Variants in GPSM1 observed in about 807,000 individuals in gnomAD.
GPSM1 encodes the protein G protein signaling modulator 1.
A neutral mutation model predicts 70.5 loss-of-function variants in GPSM1; 48 were observed. That is an observed-to-expected ratio of 0.68 (90% CI 0.54 to 0.87). The LOEUF is 0.87. GPSM1 is among the 40% of genes least tolerant of loss of function. The pLI is 0.00. For missense variants in GPSM1, 981 were observed against 972.6 expected, an observed-to-expected ratio of 1.01 and a Z score of -0.11; for synonymous variants, 416 against 430.1, an observed-to-expected ratio of 0.97 and a Z score of 0.41.
In GPSM1 at chr9:136,341,068, T is replaced by A; in HGVS notation, c.1207+75T>A. 1 of 1,551,378 alleles carries A rather than the reference T, an allele frequency of 6.4e-7. No homozygotes were observed. Among genetic ancestry groups the A allele is most frequent in the South Asian group, 1.2e-5 (1 of 84,126 alleles). ...CATCAGGAGCTGCGGAGGGGTGGGA[T>A]CGAGGCCAGGCCAGCATGGCGGAGG... On this transcript the variant is annotated intron_variant, in intron 9 of 13. Transcript: ENST00000440944. This position sits in a 1 kb window ranked among gnomAD's most constrained non-coding sequence, Gnocchi z 6.7.
chr9:136,331,920 G>A (rs1384612542), intron 1 of GPSM1: 1 of 397,744 alleles, frequency 2.5e-6, no homozygotes, highest in Non-Finnish European at 4.4e-6. Context: ...CAGAGGGCAG[G>A]GAAGCCTAAG....
Position 136,342,676 on chromosome 9 carries a change from T to A in GPSM1, c.1207+1683T>A, listed in dbSNP as rs961041949. 6.6e-6 allele frequency among the ~76,000 whole-genome samples: 1 copy of A among 151,872 alleles called. No homozygotes were observed. The highest frequency in any genetic ancestry group is 1.5e-5 in the Non-Finnish European group (1 of 67,924). Reference sequence around the variant, plus strand: ...TGAGGCCGGGAGTCTGGACCCGGCGTTGCGGGTTGGGGGCGCCACGGAAGG... The same window carrying A: ...TGAGGCCGGGAGTCTGGACCCGGCGATGCGGGTTGGGGGCGCCACGGAAGG... On this transcript the variant is annotated intron_variant, in intron 9 of 13. Transcript: ENST00000440944. This position sits in a 1 kb window ranked among gnomAD's most constrained non-coding sequence, Gnocchi z 5.5.
chr9:136,345,161 C>T (rs1832491247), intron 9 of GPSM1, among the ~76,000 whole-genome samples: 1 of 152,196 alleles, frequency 6.6e-6, no homozygotes, highest in Non-Finnish European at 1.5e-5. Flanking sequence ...AGGGGTCCGG[C>T]AGGCACAGGG....
At chr9:136,335,247 G>A (rs1471990496) in intron 2 of GPSM1, among the ~76,000 whole-genome samples, 15 of 151,956 alleles carry the variant, frequency 9.9e-5, no homozygotes, top group African/African-American at 3.6e-4. Context: ...CTGCCCTGGG[G>A]GCTGTCCCTG....
chr9:136,330,098 C>T (rs928268953), intron 1 of GPSM1, among the ~76,000 whole-genome samples: 1 of 152,070 alleles, frequency 6.6e-6, no homozygotes, highest in African/African-American at 2.4e-5. Flanking sequence ...GGTGAAGAGG[C>T]CTGGCGGGGA....
chr9:136,336,807 C>T, intron 3 of GPSM1, 114 bp from the exon 4 acceptor site: 2 of 1,049,756 alleles, frequency 1.9e-6, no homozygotes, highest in Non-Finnish European at 2.7e-6. Flanking sequence ...TCAGTGGGAG[C>T]CCCCAAGGCC....
At chr9:136,332,096 C>G (rs1554768576) in intron 1 of GPSM1, 1 of 399,290 alleles carries the variant, frequency 2.5e-6, no homozygotes, top group African/African-American at 2.1e-5. Flanking sequence ...CCCCCCGCCC[C>G]CGCCCGCTGC....
intron 11 of GPSM1, among the ~76,000 whole-genome samples, chr9:136,354,450 G>T (rs374388237): frequency 6.6e-6 from 1 of 152,102 alleles, no homozygotes; most frequent in Non-Finnish European, 1.5e-5. Context: ...TCGGGGACCC[G>T]GGAGGTGCCA....
At chr9:136,327,901 C>A (rs535921852) in intron 1 of GPSM1, 138 bp downstream of exon 1, 144 of 223,950 alleles carry the variant, frequency 6.4e-4, no homozygotes, top group Non-Finnish European at 9.1e-4. Flanking sequence ...CCCCTCCCTC[C>A]AGGCCGAGCC....
At chr9:136,334,314 A>G in intron 1 of GPSM1, 133 bp from the exon 2 acceptor site, 1 of 653,280 alleles carries the variant, frequency 1.5e-6, no homozygotes, top group South Asian at 1.9e-5. Context: ...AGAGACACTT[A>G]GGTCTGTGAG....
At chr9:136,354,684 C>T in intron 11 of GPSM1, 1 of 321,908 alleles carries the variant, frequency 3.1e-6, no homozygotes, top group Non-Finnish European at 4.5e-6. Flanking sequence ...CCTGCTTCAG[C>T]TGGGCCCCTT....
Position 136,349,706 on chromosome 9 carries a change from G to C in GPSM1, c.1398G>C (p.Arg466=). The change falls in exon 11 of 14, where the codon CGG becomes CGC. Residue 466 remains arginine, a synonymous_variant. Coordinates refer to ENST00000440944, the MANE Select transcript of GPSM1 (RefSeq NM_001145638.3). Reference sequence around the variant, plus strand: ...GCCCGGACGCTGAGAGGAGGCCCCGGGAGGGCAGCCACTCCCCGCTGGACA... The same window carrying C: ...GCCCGGACGCTGAGAGGAGGCCCCGCGAGGGCAGCCACTCCCCGCTGGACA... ...QEGPDAERRP[R]EGSHSPLDSA... is the part of the protein sequence containing the mutation. 1 of 1,570,678 alleles carries C rather than the reference G, an allele frequency of 6.4e-7. No individual in the cohort carries two copies. Among genetic ancestry groups the C allele is most frequent in the Non-Finnish European group, 8.6e-7 (1 of 1,158,832 alleles).
intron 10 of GPSM1, 40 bp downstream of exon 10, chr9:136,348,807 G>T (rs1554771651): frequency 6.7e-7 from 1 of 1,482,774 alleles, no homozygotes; most frequent in Non-Finnish European, 9.4e-7. Flanking sequence ...CACAGCCGCT[G>T]CCAGAGCATG....
intron 11 of GPSM1, among the ~76,000 whole-genome samples, chr9:136,354,057 G>A (rs1168756185): frequency 1.3e-5 from 2 of 152,192 alleles, no homozygotes; most frequent in East Asian, 3.9e-4. Context: ...CCTGCGGGGA[G>A]AAGGGGGTGC....
chr9:136,352,920 TGC>T, intron 11 of GPSM1: 1 of 164,472 alleles, frequency 6.1e-6, no homozygotes, highest in Non-Finnish European at 1.2e-5. Context: ...CGAGCCCACG[TGC>T]GTGTGTGTGA....
chr9:136,356,351 C>T lies in GPSM1; in HGVS notation c.1622C>T (p.Ser541Leu), dbSNP rs559892379. 4.0e-5 allele frequency: 63 copies of T among 1,587,580 alleles called. No homozygotes were observed. Among genetic ancestry groups the T allele is most frequent in the African/African-American group, 1.6e-4 (12 of 74,368 alleles). The part of the protein sequence containing the change: ...PTLEDRIAQP[S>L]MTASPQTEEF... ...CTCTGGCCCCCCGCAGCCCAGCCCT[C>T]GATGACGGCCTCGCCCCAGACCGAG... The change falls in exon 13 of 14, where the codon TCG becomes TTG. Residue 541 changes from serine to leucine, a missense_variant. Coordinates refer to ENST00000440944, the MANE Select transcript of GPSM1 (RefSeq NM_001145638.3).
rs377584465 is a variant in GPSM1 at position 136,358,131 on chromosome 9, G to A, written c.1939G>A (p.Glu647Lys). The change falls in exon 14 of 14, where the codon GAG becomes AAG. Residue 647 changes from glutamate to lysine, a missense_variant. Physicochemically the swap from Glu to Lys is moderately conservative, Grantham distance 56. Transcript: ENST00000440944. ...IQRVQAKRMD[E>K]QRVDLAGGPE... Reference sequence around the variant, plus strand: ...GAGGGTGCAGGCTAAGCGCATGGACGAGCAGCGGGTGGACCTCGCCGGGGG... The same window carrying A: ...GAGGGTGCAGGCTAAGCGCATGGACAAGCAGCGGGTGGACCTCGCCGGGGG... 2.4e-5 allele frequency: 39 copies of A among 1,610,702 alleles called. No homozygotes were observed. The highest frequency in any genetic ancestry group is 3.1e-5 in the Non-Finnish European group (36 of 1,178,876).
At chr9:136,334,381 G>T (rs1186518054) in intron 1 of GPSM1, 66 bp from the exon 2 acceptor site, 2 of 1,214,632 alleles carry the variant, frequency 1.6e-6, no homozygotes, top group Non-Finnish European at 2.4e-6. Flanking sequence ...GTGAAGCCAC[G>T]GAGGTGCTCC....
chr9:136,335,972 C>T lies in GPSM1; in HGVS notation c.297C>T (p.Ile99=), dbSNP rs370223432. 160 of 1,612,306 alleles carry T rather than the reference C, an allele frequency of 9.9e-5. 1 individual carries two copies. The highest frequency in any genetic ancestry group is 2.2e-4 in the South Asian group (20 of 90,986). ...ACTCCTCCCTGCCATCCAGGACCAT[C>T]GGTGACCGCATGGGGGAGGCCAAGG... The part of the protein sequence containing the change: ...HKHDLLLART[I]GDRMGEAKAS... Residue 99 remains isoleucine (I), a synonymous_variant, in exon 3 of 14, where the codon ATC becomes ATT. Transcript: ENST00000440944.
Sources: allele counts gnomAD v4.1 joint callset (sites outside exome capture counted in the v4.1 genomes callset), GRCh38; gene constraint gnomAD v4.1.1; non-coding constraint Gnocchi (gnomAD v3.1); transcripts MANE v1.5; gene names NCBI Gene and HGNC (gene_info 2026-07-23, HGNC 2026-07-21).